The following P3H2 variants were observed in gnomAD, a reference collection of about 807,000 sequenced individuals.
The protein encoded by P3H2 is prolyl 3-hydroxylase 2.
In P3H2, 80 loss-of-function variants were observed where a neutral mutation model predicts 87.0. The ratio of observed to expected loss-of-function variants is 0.92; its 90% CI spans 0.77 to 1.11. The LOEUF is 1.11. Ranked by LOEUF, P3H2 falls within the 50% of genes least tolerant of loss-of-function variation. P3H2 has a pLI of 0.00. For synonymous variants in P3H2, 367 were observed against 359.3 expected (o/e 1.02, Z -0.24); for missense variants, 1,001 against 923.9 (o/e 1.08, Z -1.08).
At chr3:190,054,376 G>A (rs575052382) in intron 1 of P3H2, among the ~76,000 whole-genome samples, 10 of 152,092 alleles carry the variant, frequency 6.6e-5, no homozygotes, top group Admixed American at 5.2e-4. Context: ...TCTGAGAGCC[G>A]ACGTCAGTAG....
chr3:190,008,792 C>T (rs1017620282), intron 1 of P3H2, among the ~76,000 whole-genome samples: 3 of 151,972 alleles, frequency 2.0e-5, no homozygotes, highest in Non-Finnish European at 2.9e-5. Flanking sequence ...AATGAGGGGC[C>T]TGTACTGGCC....
intron 1 of P3H2, among the ~76,000 whole-genome samples, chr3:190,017,962 G>A (rs1724822408): frequency 6.6e-6 from 1 of 152,156 alleles, no homozygotes; most frequent in Non-Finnish European, 1.5e-5. Flanking sequence ...CAACAGATCT[G>A]AGCACGTCAA....
intron 13 of P3H2, among the ~76,000 whole-genome samples, chr3:189,964,750 C>T (rs1443478607): frequency 1.3e-5 from 2 of 152,204 alleles, no homozygotes. Flanking sequence ...GTGGCCTATT[C>T]GCCATCACCC....
chr3:189,992,892 A>T (rs79670443), intron 3 of P3H2, among the ~76,000 whole-genome samples: 3,338 of 152,330 alleles, frequency 0.022, 51 homozygotes, highest in Non-Finnish European at 0.037. Context: ...ATATATTAAC[A>T]CTTTGCCTAT....
chr3:190,104,554 G>T (rs79559411), intron 1 of P3H2, among the ~76,000 whole-genome samples: 3,144 of 152,188 alleles, frequency 0.021, 110 homozygotes, highest in African/African-American at 0.071. Context: ...AACACCACCA[G>T]GTTTAAAGAT....
intron 14 of P3H2, 61 bp downstream of exon 14, chr3:189,963,897 C>T: frequency 6.3e-7 from 1 of 1,579,766 alleles, no homozygotes; most frequent in Non-Finnish European, 8.7e-7. Context: ...TAAAGGACTT[C>T]TCAGATAAAG....
chr3:190,119,373 A>G (rs1015925188), intron 1 of P3H2, among the ~76,000 whole-genome samples: 1 of 152,178 alleles, frequency 6.6e-6, no homozygotes, highest in Non-Finnish European at 1.5e-5. Flanking sequence ...AAGAGTGTCA[A>G]TTTGAAGGAA....
chr3:190,048,554 T>G (rs931766678), intron 1 of P3H2, among the ~76,000 whole-genome samples: 1 of 152,190 alleles, frequency 6.6e-6, no homozygotes, highest in Non-Finnish European at 1.5e-5. Flanking sequence ...CTAGATGATT[T>G]TTGTACCTGG....
chr3:189,977,564 A>G (rs1723388971), intron 8 of P3H2, among the ~76,000 whole-genome samples: 1 of 152,196 alleles, frequency 6.6e-6, no homozygotes, highest in South Asian at 2.1e-4. Context: ...ATAAGCTGCT[A>G]TATTTTCATT....
chr3:190,041,044 AC>A (rs1410292528), intron 1 of P3H2, among the ~76,000 whole-genome samples: 6 of 34,790 alleles, frequency 1.7e-4, no homozygotes, highest in African/African-American at 1.3e-3. Flanking sequence ...ATATACACAC[AC>A]ACACACACAC....
At chr3:189,985,628 TAAA>T in intron 6 of P3H2, among the ~76,000 whole-genome samples, 1 of 149,740 alleles carries the variant, frequency 6.7e-6, no homozygotes. Context: ...AAATTAATAA[TAAA>T]TAATTTCTAA....
At chr3:189,983,727 T>A (rs1465616748) in intron 7 of P3H2, among the ~76,000 whole-genome samples, 3 of 152,204 alleles carry the variant, frequency 2.0e-5, no homozygotes, top group Non-Finnish European at 4.4e-5. Flanking sequence ...GACTTCAAGA[T>A]TCTAAATAAG....
At chr3:189,986,312 C>T (rs933428095) in intron 6 of P3H2, among the ~76,000 whole-genome samples, 2 of 152,182 alleles carry the variant, frequency 1.3e-5, no homozygotes, top group African/African-American at 4.8e-5. Flanking sequence ...TGGCCGGGTG[C>T]GGCGGCTCAA....
chr3:190,012,875 T>A (rs913795698), intron 1 of P3H2, among the ~76,000 whole-genome samples: 6 of 152,198 alleles, frequency 3.9e-5, no homozygotes, highest in Non-Finnish European at 7.3e-5. Context: ...TAAAAACTCA[T>A]CTGTATAAAA....
intron 1 of P3H2, among the ~76,000 whole-genome samples, chr3:190,095,497 T>G (rs942786030): frequency 9.3e-5 from 14 of 150,566 alleles, no homozygotes; most frequent in Non-Finnish European, 1.0e-4. Flanking sequence ...TAATTTCAAA[T>G]TTCTCTTGGG....
At chr3:190,036,655 T>G (rs1377925936) in intron 1 of P3H2, among the ~76,000 whole-genome samples, 2 of 152,214 alleles carry the variant, frequency 1.3e-5, no homozygotes, top group Non-Finnish European at 2.9e-5. Context: ...ATTTCCACTT[T>G]TCTTTTTCTC....
intron 1 of P3H2, among the ~76,000 whole-genome samples, chr3:190,065,477 T>C (rs1726466899): frequency 1.3e-5 from 2 of 152,182 alleles, no homozygotes; most frequent in South Asian, 4.1e-4. Context: ...TTTATTGTTT[T>C]AAGCCACTGA....
intron 1 of P3H2, among the ~76,000 whole-genome samples, chr3:190,042,286 T>C (rs780238608): frequency 6.6e-6 from 1 of 152,204 alleles, no homozygotes; most frequent in Admixed American, 6.5e-5. Flanking sequence ...TCCACAAAGT[T>C]TGTGGCAAGT....
At chr3:190,106,030 G>A (rs1034629801) in intron 1 of P3H2, among the ~76,000 whole-genome samples, 2 of 152,274 alleles carry the variant, frequency 1.3e-5, no homozygotes, top group Middle Eastern at 3.4e-3. Flanking sequence ...TCTCCCATGG[G>A]TACAAGAAAT....
Sources: allele counts gnomAD v4.1 joint callset (sites outside exome capture counted in the v4.1 genomes callset), GRCh38; gene constraint gnomAD v4.1.1; transcripts MANE v1.5; gene names NCBI Gene and HGNC (gene_info 2026-07-23, HGNC 2026-07-21).